ELL2: variants seen among roughly 807,000 people sequenced by gnomAD.
The protein encoded by ELL2 is RNA polymerase II elongation factor ELL2.
ELL2 carries 21 observed loss-of-function variants against 72.8 expected under a neutral mutation model. That is an observed-to-expected ratio of 0.29 (90% CI 0.20 to 0.42). ELL2 has a LOEUF of 0.42. Ranked by LOEUF, ELL2 falls within the 10% of genes least tolerant of loss-of-function variation. The probability of loss-of-function intolerance (pLI) is 1.00; values close to 1 mark genes in which losing one functional copy is unlikely to be tolerated. For synonymous variants in ELL2, 266 were observed against 283.2 expected, an observed-to-expected ratio of 0.94 and a Z score of 0.61; for missense variants, 568 against 772.8, an observed-to-expected ratio of 0.73 and a Z score of 3.14.
At chr5:95,899,535 T>C (rs543219571) in intron 7 of ELL2, among the ~76,000 whole-genome samples, 1 of 152,192 alleles carries the variant, frequency 6.6e-6, no homozygotes, top group African/African-American at 2.4e-5. Flanking sequence ...TAGGTGGAAG[T>C]ACTTTAAAAA....
intron 1 of ELL2, among the ~76,000 whole-genome samples, chr5:95,960,996 C>A (rs995199564): frequency 3.9e-5 from 6 of 151,938 alleles, no homozygotes; most frequent in African/African-American, 1.5e-4. Context: ...GCGCCCGAGT[C>A]CCCATCCCTT....
chr5:95,958,683 C>T (rs192308211), intron 1 of ELL2, among the ~76,000 whole-genome samples: 1 of 152,278 alleles, frequency 6.6e-6, no homozygotes, highest in Non-Finnish European at 1.5e-5. Context: ...GTTTCTACCA[C>T]CAGTTTTGCA....
chr5:95,950,902 G>A lies in ELL2; in HGVS notation c.148-7853C>T, dbSNP rs201545870. 4.1e-4 allele frequency among the ~76,000 whole-genome samples: 31 copies of A among 75,006 alleles called. 1 individual carries two copies. The highest frequency in any genetic ancestry group is 5.1e-4 in the African/African-American group (12 of 23,370). The allele number at this position is 75,006 out of a possible 152,430, so 49.2% of individuals were successfully genotyped here. A position where few individuals can be genotyped will look rare whatever the true frequency, so the allele number is the denominator to read the frequency against. ...TATATATATATATGTATGTATGTAT[G>A]TGTATATATATATATATATATATAT... is the stretch of plus-strand genomic sequence containing the variant. On this transcript the variant is annotated intron_variant, in intron 1 of 11. Transcript: ENST00000237853.
chr5:95,890,813 T>C, intron 10 of ELL2: 1 of 412,564 alleles, frequency 2.4e-6, no homozygotes, highest in South Asian at 2.2e-5. Context: ...AATAGTTAGC[T>C]GAATCTCAAG....
At chr5:95,900,421 A>C in intron 7 of ELL2, 1 of 252,786 alleles carries the variant, frequency 4.0e-6, no homozygotes, top group Admixed American at 5.3e-5. Flanking sequence ...CAAATTGGAA[A>C]GTAGATAATC....
chr5:95,948,313 G>A (rs865794535), intron 1 of ELL2, among the ~76,000 whole-genome samples: 2 of 151,268 alleles, frequency 1.3e-5, no homozygotes, highest in Non-Finnish European at 2.9e-5. Context: ...ACCTGTAATC[G>A]CAGCTACTCG....
At chr5:95,942,975 G>A (rs3734131) in intron 2 of ELL2, 27 bp downstream of exon 2, 333,487 of 1,532,286 alleles carry the variant, frequency 0.22, 39,183 homozygotes, top group African/African-American at 0.41. Flanking sequence ...CATTAGATTT[G>A]TTTGTTAAAT....
At chr5:95,933,638 C>G (rs1212730958) in intron 2 of ELL2, among the ~76,000 whole-genome samples, 5 of 152,046 alleles carry the variant, frequency 3.3e-5, no homozygotes, top group African/African-American at 1.2e-4. Flanking sequence ...CATCTTTATT[C>G]TTATGTGTAT....
intron 8 of ELL2, among the ~76,000 whole-genome samples, chr5:95,897,310 C>T (rs146540926): frequency 1.4e-4 from 22 of 152,302 alleles, no homozygotes; most frequent in African/African-American, 5.1e-4. Flanking sequence ...GTAATTTTTC[C>T]AAAGCCATAT....
intron 9 of ELL2, among the ~76,000 whole-genome samples, chr5:95,894,008 G>C (rs1296390883): frequency 2.6e-5 from 4 of 152,090 alleles, no homozygotes; most frequent in Non-Finnish European, 5.9e-5. Flanking sequence ...CCAGCACTTT[G>C]TGAGGCTTGA....
At chr5:95,942,888 G>T in intron 2 of ELL2, 114 bp downstream of exon 2, 1 of 625,370 alleles carries the variant, frequency 1.6e-6, no homozygotes, top group Non-Finnish European at 2.4e-6. Flanking sequence ...TAGTCACAAA[G>T]CTCACAGAAT....
In ELL2 at chr5:95,886,865, G is replaced by A. The variant is rs1050716218; in HGVS notation, c.*2006C>T. On this transcript the variant is annotated 3_prime_UTR_variant, in exon 12 of 12. Transcript: ENST00000237853. The stretch of plus-strand genomic sequence containing the variant: ...GATCCAAATGGTCCAAGCACCTTTT[G>A]CTTTTGAGAAACCTTGCTCATAGCA... 1 of 152,116 alleles carries A rather than the reference G, an allele frequency of 6.6e-6. No homozygotes were observed. The highest frequency in any genetic ancestry group is 1.5e-5 in the Non-Finnish European group (1 of 68,008). 9.4% of individuals were successfully genotyped at this position (152,116 alleles called of 1,614,324 possible). A position where few individuals can be genotyped will look rare whatever the true frequency, so the allele number is the denominator to read the frequency against.
At chr5:95,894,486 C>T (rs748908156) in intron 9 of ELL2, among the ~76,000 whole-genome samples, 1 of 152,184 alleles carries the variant, frequency 6.6e-6, no homozygotes, top group South Asian at 2.1e-4. Context: ...AAGAGGTGAA[C>T]CCCCTCAGCA....
intron 9 of ELL2, among the ~76,000 whole-genome samples, chr5:95,892,932 T>G (rs1748720121): frequency 6.6e-6 from 1 of 152,172 alleles, no homozygotes; most frequent in East Asian, 1.9e-4. Flanking sequence ...AGTGAAGCAG[T>G]CCTTCCTAGG....
chr5:95,952,697 A>C (rs992852929), intron 1 of ELL2, among the ~76,000 whole-genome samples: 13 of 152,248 alleles, frequency 8.5e-5, no homozygotes, highest in Admixed American at 5.2e-4. Context: ...GATATCTATT[A>C]AACTTTGATG....
At position 95,952,118 on chromosome 5, in the gene ELL2, C is replaced by G. The variant is rs112973456; in HGVS notation, c.148-9069G>C. ...TACATATATACCATGGAATACAACA[C>G]AGCAACGAAAAAGAATGAGATCATG... On this transcript the variant is annotated intron_variant, in intron 1 of 11. Transcript: ENST00000237853. Among the ~76,000 whole-genome samples the G allele has an allele frequency of 3.2e-3, 488 of 152,238 alleles. 5 individuals carry two copies. The highest frequency in any genetic ancestry group is 0.011 in the African/African-American group (473 of 41,522).
intron 1 of ELL2, among the ~76,000 whole-genome samples, chr5:95,951,311 G>T (rs1206217521): frequency 2.0e-5 from 3 of 152,040 alleles, no homozygotes; most frequent in Admixed American, 6.6e-5. Flanking sequence ...GGAGCTTGCA[G>T]TAAGCCGAGA....
At chr5:95,889,467 T>TG (rs2112262712) in intron 10 of ELL2, among the ~76,000 whole-genome samples, 1 of 152,318 alleles carries the variant, frequency 6.6e-6, no homozygotes, top group South Asian at 2.1e-4. Context: ...CATTAAAACA[T>TG]GCCAAAGTGT....
intron 7 of ELL2, 99 bp from the exon 8 acceptor site, chr5:95,898,909 C>T (rs1348195316): frequency 2.4e-6 from 2 of 841,456 alleles, no homozygotes; most frequent in East Asian, 5.6e-5. Context: ...ACCTTACTTA[C>T]TATTAATATT....
Sources: gnomAD v4.1 joint callset for allele counts (sites outside exome capture counted in the v4.1 genomes callset) on GRCh38, gnomAD v4.1.1 for gene constraint, MANE v1.5 for transcripts, NCBI Gene and HGNC (gene_info 2026-07-23, HGNC 2026-07-21) for gene names.